The following DEPTOR variants were observed in gnomAD, a reference collection of about 807,000 sequenced individuals.
The protein encoded by DEPTOR is DEP domain-containing mTOR-interacting protein.
DEPTOR carries 41 observed loss-of-function variants against 41.6 expected under a neutral mutation model. The ratio of observed to expected loss-of-function variants is 0.98; its 90% CI spans 0.77 to 1.28. The LOEUF (loss-of-function observed/expected upper bound fraction) is 1.28, where lower values mean the gene tolerates loss of function less well. DEPTOR is among the 50% of genes most tolerant of loss of function. DEPTOR has a pLI of 0.00. For synonymous variants in DEPTOR, 195 were observed against 192.3 expected (o/e 1.01, Z -0.12); for missense variants, 514 against 527.9 (o/e 0.97, Z 0.26).
chr8:119,909,966 T>C (rs1827716289), intron 1 of DEPTOR, among the ~76,000 whole-genome samples: 1 of 152,228 alleles, frequency 6.6e-6, no homozygotes, highest in Admixed American at 6.5e-5. Context: ...CCACCTAAAG[T>C]CTCACTCACA....
At chr8:119,893,629 G>A (rs1188399420) in intron 1 of DEPTOR, among the ~76,000 whole-genome samples, 1 of 152,152 alleles carries the variant, frequency 6.6e-6, no homozygotes, top group African/African-American at 2.4e-5. Context: ...AGGAGTTTGA[G>A]ACCAGCTTGA....
intron 1 of DEPTOR, among the ~76,000 whole-genome samples, chr8:119,912,614 C>T (rs1207327879): frequency 6.6e-6 from 1 of 152,234 alleles, no homozygotes. Flanking sequence ...GCCTGTGGCA[C>T]TTTGGCAGCC....
chr8:119,944,893 A>T (rs547453568), intron 3 of DEPTOR, among the ~76,000 whole-genome samples: 1 of 152,146 alleles, frequency 6.6e-6, no homozygotes, highest in South Asian at 2.1e-4. Flanking sequence ...TGACCTCATG[A>T]TCTGCCCACC....
chr8:119,948,720 C>T (rs982639338), intron 3 of DEPTOR, among the ~76,000 whole-genome samples: 1 of 152,128 alleles, frequency 6.6e-6, no homozygotes, highest in African/African-American at 2.4e-5. Flanking sequence ...CATCTACCCC[C>T]TCATCCCTAA....
chr8:119,913,423 AT>A (rs1163156358), intron 1 of DEPTOR, among the ~76,000 whole-genome samples: 1 of 152,168 alleles, frequency 6.6e-6, no homozygotes, highest in Non-Finnish European at 1.5e-5. Context: ...AATAACATTG[AT>A]TGGTGATTGG....
intron 1 of DEPTOR, among the ~76,000 whole-genome samples, chr8:119,895,129 T>A (rs1172908034): frequency 6.6e-6 from 1 of 152,170 alleles, no homozygotes; most frequent in East Asian, 1.9e-4. Flanking sequence ...TCTCCCCCTC[T>A]CCTTCAGACT....
intron 8 of DEPTOR, among the ~76,000 whole-genome samples, chr8:120,019,442 T>C (rs1812662573): frequency 6.6e-6 from 1 of 152,226 alleles, no homozygotes; most frequent in African/African-American, 2.4e-5. Context: ...TTGTGCCTCT[T>C]TCAAGTCAGC....
intron 1 of DEPTOR, among the ~76,000 whole-genome samples, chr8:119,919,255 T>G (rs1025000144): frequency 2.6e-5 from 4 of 152,168 alleles, no homozygotes; most frequent in African/African-American, 9.7e-5. Flanking sequence ...ATTAGGTTCC[T>G]TTGGAAAGTG....
chr8:119,976,836 G>T (rs565633840), intron 4 of DEPTOR, among the ~76,000 whole-genome samples: 2 of 152,168 alleles, frequency 1.3e-5, no homozygotes, highest in East Asian at 3.9e-4. Context: ...GAGAATGGGG[G>T]TAGTTGTTCC....
chr8:119,982,813 C>G (rs1364016469), intron 4 of DEPTOR, among the ~76,000 whole-genome samples: 1 of 152,156 alleles, frequency 6.6e-6, no homozygotes, highest in East Asian at 1.9e-4. Context: ...CTGGGAAGGG[C>G]AGTCTGTCCC....
At chr8:119,882,816 A>G (rs1229877265) in intron 1 of DEPTOR, among the ~76,000 whole-genome samples, 1 of 152,160 alleles carries the variant, frequency 6.6e-6, no homozygotes, top group Non-Finnish European at 1.5e-5. Flanking sequence ...GACAAAGGAA[A>G]GAACAATCGG....
At chr8:119,987,465 C>T (rs899346545) in intron 4 of DEPTOR, among the ~76,000 whole-genome samples, 3 of 152,160 alleles carry the variant, frequency 2.0e-5, no homozygotes, top group Non-Finnish European at 4.4e-5. Context: ...AGATGTCTGT[C>T]GACCCCTGCT....
chr8:119,960,519 C>T (rs1186058178), intron 3 of DEPTOR, among the ~76,000 whole-genome samples: 1 of 152,144 alleles, frequency 6.6e-6, no homozygotes, highest in Non-Finnish European at 1.5e-5. Context: ...AAAGGAATCT[C>T]CATTTTCATC....
chr8:119,938,780 G>C (rs1357217109), intron 3 of DEPTOR, among the ~76,000 whole-genome samples: 1 of 152,018 alleles, frequency 6.6e-6, no homozygotes, highest in Non-Finnish European at 1.5e-5. Context: ...AAATTGTTGG[G>C]ATTACAGGTG....
intron 3 of DEPTOR, among the ~76,000 whole-genome samples, chr8:119,957,650 G>A (rs1828436106): frequency 6.7e-6 from 1 of 149,284 alleles, no homozygotes; most frequent in African/African-American, 2.5e-5. Flanking sequence ...GTGCAATGGT[G>A]CAATCTTGGC....
At chr8:120,001,070 C>T (rs11986116) in intron 4 of DEPTOR, among the ~76,000 whole-genome samples, 5 of 146,828 alleles carry the variant, frequency 3.4e-5, no homozygotes, top group Admixed American at 2.7e-4. Context: ...GAGCGAGACA[C>T]CATCTCAAAA....
chr8:119,893,595 G>A (rs897454101), intron 1 of DEPTOR, among the ~76,000 whole-genome samples: 2 of 152,134 alleles, frequency 1.3e-5, no homozygotes, highest in Admixed American at 6.5e-5. Flanking sequence ...TTGGGAGACC[G>A]CAGTAGGTGG....
chr8:119,952,906 G>A (rs891914304), intron 3 of DEPTOR, among the ~76,000 whole-genome samples: 2 of 152,128 alleles, frequency 1.3e-5, no homozygotes, highest in Non-Finnish European at 2.9e-5. Flanking sequence ...ATAAAGTACT[G>A]TTTCTTCCCT....
At chr8:119,960,289 G>GC (rs1206767550) in intron 3 of DEPTOR, among the ~76,000 whole-genome samples, 1 of 151,876 alleles carries the variant, frequency 6.6e-6, no homozygotes, top group African/African-American at 2.4e-5. Flanking sequence ...AACTTCACTT[G>GC]CCCCCAAGAT....
Sources: gnomAD v4.1 joint callset for allele counts (sites outside exome capture counted in the v4.1 genomes callset) on GRCh38, gnomAD v4.1.1 for gene constraint, MANE v1.5 for transcripts, NCBI Gene and HGNC (gene_info 2026-07-23, HGNC 2026-07-21) for gene names.